Variants in HIVEP3 observed in about 807,000 individuals in gnomAD.
HIVEP3 encodes HIVEP zinc finger 3.
Under a neutral mutation model 152.8 loss-of-function variants are expected in HIVEP3, and 49 were observed. That is an observed-to-expected ratio of 0.32 (90% confidence interval 0.26 to 0.41). HIVEP3 has a LOEUF of 0.41. Ranked by LOEUF, HIVEP3 falls within the 10% of genes least tolerant of loss-of-function variation. HIVEP3 has a pLI of 1.00. For synonymous variants in HIVEP3, 1,269 were observed against 1,289.0 expected (o/e 0.98, Z 0.33); for missense variants, 2,790 against 3,103.3 (o/e 0.90, Z 2.40).
At chr1:41,570,532 T>C (rs996811817) in intron 5 of HIVEP3, among the ~76,000 whole-genome samples, 10 of 152,230 alleles carry the variant, frequency 6.6e-5, no homozygotes, top group African/African-American at 2.4e-4. Context: ...TGATTGTAAG[T>C]TTCCTGAGGT....
intron 1 of HIVEP3, among the ~76,000 whole-genome samples, chr1:41,881,428 C>G (rs1372287558): frequency 6.6e-6 from 1 of 152,214 alleles, no homozygotes; most frequent in Non-Finnish European, 1.5e-5. Context: ...TTCTTATCCA[C>G]TGCTCATCTC....
intron 5 of HIVEP3, among the ~76,000 whole-genome samples, chr1:41,530,450 CT>C (rs916094898): frequency 7.9e-5 from 12 of 152,368 alleles, no homozygotes; most frequent in Admixed American, 5.9e-4. Flanking sequence ...CTCCATGCCC[CT>C]GGGACCTGGT....
chr1:41,630,204 C>CTAT (rs1645174395), intron 2 of HIVEP3, among the ~76,000 whole-genome samples: 1 of 152,154 alleles, frequency 6.6e-6, no homozygotes, highest in Non-Finnish European at 1.5e-5. Context: ...GTGTTTTCAC[C>CTAT]TATAAGCAGG....
chr1:41,674,356 C>T (rs940304883), intron 2 of HIVEP3, among the ~76,000 whole-genome samples: 2 of 152,246 alleles, frequency 1.3e-5, no homozygotes, highest in Admixed American at 6.5e-5. Flanking sequence ...GGCCTTCCCA[C>T]GAATGTATTC....
chr1:41,582,869 G>A lies in HIVEP3; in HGVS notation c.1929C>T (p.Tyr643=), dbSNP rs767878729. 5.4e-5 allele frequency: 87 copies of A among 1,613,966 alleles called. 1 individual carries two copies. The highest frequency in any genetic ancestry group is 4.9e-4 in the Middle Eastern group (3 of 6,084). ...ACCGAGCACCACATATGTTACATTC[G>A]TAGATCACCCCTTTTGTTTTCAAAC... ...KKGLKTKGVI[Y]ECNICGARYK... The change falls in exon 4 of 9, where the codon TAC becomes TAT. Residue 643 remains tyrosine, a synonymous_variant. Coordinates refer to ENST00000372583, the MANE Select transcript of HIVEP3 (RefSeq NM_024503.5). The surrounding 1 kb of genome is among the most constrained non-coding windows in gnomAD (Gnocchi z 4.7).
intron 3 of HIVEP3, among the ~76,000 whole-genome samples, chr1:41,601,310 G>A (rs1386648904): frequency 6.6e-6 from 1 of 152,018 alleles, no homozygotes; most frequent in African/African-American, 2.4e-5. Flanking sequence ...ATTTTTATGG[G>A]GGTTTCATTG....
chr1:41,579,616 G>A (rs1644369129), intron 4 of HIVEP3, 121 bp downstream of exon 4: 1 of 1,179,812 alleles, frequency 8.5e-7, no homozygotes. Flanking sequence ...TTTCAGAGAG[G>A]AAATCTGACT....
chr1:41,569,308 C>T (rs939164999), intron 5 of HIVEP3, among the ~76,000 whole-genome samples: 25 of 152,256 alleles, frequency 1.6e-4, no homozygotes, highest in Middle Eastern at 3.4e-3. Context: ...AGTTTGTCTA[C>T]CTATGTTATA....
intron 1 of HIVEP3, among the ~76,000 whole-genome samples, chr1:42,002,370 G>T (rs1268806649): frequency 6.6e-6 from 1 of 152,116 alleles, no homozygotes; most frequent in Non-Finnish European, 1.5e-5. Flanking sequence ...ACTCCTGCTG[G>T]CTGTGTCAGT....
intron 1 of HIVEP3, among the ~76,000 whole-genome samples, chr1:41,738,344 G>A (rs906445089): frequency 4.6e-5 from 7 of 152,134 alleles, no homozygotes; most frequent in Non-Finnish European, 7.3e-5. Flanking sequence ...TCCAGGTGGC[G>A]GCCTCAGCAC....
intron 1 of HIVEP3, among the ~76,000 whole-genome samples, chr1:41,801,744 A>G (rs1318158198): frequency 6.6e-6 from 1 of 151,962 alleles, no homozygotes; most frequent in Non-Finnish European, 1.5e-5. Flanking sequence ...ACTCCATCTG[A>G]AAAAAATAAA....
At chr1:41,547,878 G>A (rs1377001228) in intron 5 of HIVEP3, among the ~76,000 whole-genome samples, 1 of 152,072 alleles carries the variant, frequency 6.6e-6, no homozygotes, top group African/African-American at 2.4e-5. Context: ...TGGGCTCCCA[G>A]GCCCCTCCCA....
chr1:41,869,977 G>A (rs1484447656), intron 1 of HIVEP3, among the ~76,000 whole-genome samples: 2 of 152,106 alleles, frequency 1.3e-5, no homozygotes, highest in Non-Finnish European at 2.9e-5. Context: ...ACGTTTGGAG[G>A]ACAAACAATA....
intron 2 of HIVEP3, among the ~76,000 whole-genome samples, chr1:41,679,463 C>T (rs754273441): frequency 6.6e-6 from 1 of 152,226 alleles, no homozygotes; most frequent in Non-Finnish European, 1.5e-5. Flanking sequence ...ACTCATTTGC[C>T]TATACCTGCA....
chr1:41,734,353 A>G (rs924715374), intron 1 of HIVEP3, among the ~76,000 whole-genome samples: 1 of 152,242 alleles, frequency 6.6e-6, no homozygotes, highest in Non-Finnish European at 1.5e-5. Flanking sequence ...ACCAGCTGGC[A>G]CGCACATGGC....
intron 1 of HIVEP3, among the ~76,000 whole-genome samples, chr1:41,702,843 T>C (rs143755297): frequency 6.6e-6 from 1 of 152,310 alleles, no homozygotes; most frequent in Non-Finnish European, 1.5e-5. Context: ...GTAAAGAGCC[T>C]TGTCAGGACC....
intron 2 of HIVEP3, among the ~76,000 whole-genome samples, chr1:41,684,988 C>T (rs72957307): frequency 0.021 from 3,225 of 152,286 alleles, 118 homozygotes; most frequent in African/African-American, 0.074. Context: ...CCTGTTTTTG[C>T]CCTATCACCA....
intron 1 of HIVEP3, among the ~76,000 whole-genome samples, chr1:42,034,136 T>TG (rs1267128036): frequency 6.6e-6 from 1 of 152,236 alleles, no homozygotes; most frequent in African/African-American, 2.4e-5. Context: ...TAAATTAGCA[T>TG]GGGTGAAAAC....
At chr1:41,620,039 T>C (rs1325047996) in intron 3 of HIVEP3, among the ~76,000 whole-genome samples, 1 of 152,084 alleles carries the variant, frequency 6.6e-6, no homozygotes, top group East Asian at 1.9e-4. Flanking sequence ...TTCCTTTGAA[T>C]ATCTGTTGAA....
Sources: gnomAD v4.1 joint callset for allele counts (sites outside exome capture counted in the v4.1 genomes callset) on GRCh38, gnomAD v4.1.1 for gene constraint, Gnocchi (gnomAD v3.1) non-coding constraint, MANE v1.5 for transcripts, NCBI Gene and HGNC (gene_info 2026-07-23, HGNC 2026-07-21) for gene names.